The following CAMKMT variants were observed in gnomAD, a reference collection of about 807,000 sequenced individuals.
CAMKMT encodes the protein calmodulin-lysine N-methyltransferase, also known as CaM KMT.
A neutral mutation model predicts 48.0 loss-of-function variants in CAMKMT; 53 were observed. The ratio of observed to expected loss-of-function variants is 1.10; its 90% confidence interval spans 0.89 to 1.39. The LOEUF (loss-of-function observed/expected upper bound fraction) is 1.39, where lower values mean the gene tolerates loss of function less well. Ranked by LOEUF, CAMKMT falls within the 40% of genes most tolerant of loss-of-function variation. The probability of loss-of-function intolerance (pLI) is 0.00; values close to 1 mark genes in which losing one functional copy is unlikely to be tolerated. For missense variants in CAMKMT, 428 were observed against 402.7 expected (o/e 1.06, Z -0.54); for synonymous variants, 165 against 152.3 (o/e 1.08, Z -0.61).
At chr2:44,461,686 A>G (rs1219409644) in intron 3 of CAMKMT, among the ~76,000 whole-genome samples, 2 of 152,200 alleles carry the variant, frequency 1.3e-5, no homozygotes, top group African/African-American at 4.8e-5. Flanking sequence ...CTACTATTAT[A>G]TGTTTAAATT....
At chr2:44,642,512 T>C (rs1167298679) in intron 3 of CAMKMT, among the ~76,000 whole-genome samples, 1 of 152,180 alleles carries the variant, frequency 6.6e-6, no homozygotes. Context: ...GGAGTGAACA[T>C]GGTCCAGGTA....
rs925957589 is a variant in CAMKMT at position 44,685,073 on chromosome 2, C to G, written c.377-19210C>G. Among the ~76,000 whole-genome samples, 6 of 151,712 alleles carry G rather than the reference C, an allele frequency of 4.0e-5. No homozygotes were observed. The South Asian group carries it at 6.3e-4, about 16-fold the overall frequency. On this transcript the variant is annotated intron_variant, in intron 3 of 10. Coordinates refer to ENST00000378494, the MANE Select transcript of CAMKMT (RefSeq NM_024766.5). ...CATGTGCATCGTGTAAACATGCCCC[C>G]GAGAAGAAAACAATGAGGTCCCTGT...
chr2:44,421,499 A>G (rs1035751491), intron 3 of CAMKMT, among the ~76,000 whole-genome samples: 1 of 152,218 alleles, frequency 6.6e-6, no homozygotes, highest in African/African-American at 2.4e-5. Context: ...ACTGAAACAC[A>G]TTAAAAGATG....
At chr2:44,524,335 C>G (rs746520169) in intron 3 of CAMKMT, among the ~76,000 whole-genome samples, 21 of 152,284 alleles carry the variant, frequency 1.4e-4, no homozygotes, top group Non-Finnish European at 2.5e-4. Flanking sequence ...TCCCCCCATC[C>G]CATAACCAGG....
chr2:44,564,994 T>C (rs1380190655), intron 3 of CAMKMT, among the ~76,000 whole-genome samples: 6 of 152,252 alleles, frequency 3.9e-5, no homozygotes, highest in Non-Finnish European at 7.3e-5. Context: ...TCCAGGGCTA[T>C]CCACTGTTTC....
chr2:44,481,530 T>C (rs1434528608), intron 3 of CAMKMT, among the ~76,000 whole-genome samples: 1 of 152,078 alleles, frequency 6.6e-6, no homozygotes, highest in Non-Finnish European at 1.5e-5. Flanking sequence ...CAGAAGCTTA[T>C]GTTAAAATTA....
chr2:44,631,924 A>G (rs893653870), intron 3 of CAMKMT, among the ~76,000 whole-genome samples: 1 of 152,074 alleles, frequency 6.6e-6, no homozygotes, highest in Admixed American at 6.5e-5. Context: ...TCACCTTCAC[A>G]TAATATTATA....
intron 3 of CAMKMT, among the ~76,000 whole-genome samples, chr2:44,472,565 T>C (rs552087023): frequency 2.0e-5 from 3 of 152,322 alleles, no homozygotes; most frequent in South Asian, 2.1e-4. Flanking sequence ...ATATATCCTC[T>C]TTCATTTTTA....
At chr2:44,706,078 C>A (rs1246960519) in intron 4 of CAMKMT, among the ~76,000 whole-genome samples, 1 of 152,130 alleles carries the variant, frequency 6.6e-6, no homozygotes, top group East Asian at 1.9e-4. Flanking sequence ...AATGAGGGAA[C>A]CCCCACTGAT....
At chr2:44,453,178 A>G (rs1667382778) in intron 3 of CAMKMT, among the ~76,000 whole-genome samples, 1 of 152,036 alleles carries the variant, frequency 6.6e-6, no homozygotes, top group Non-Finnish European at 1.5e-5. Flanking sequence ...TATTAAAAGT[A>G]GATGTGGCTG....
chr2:44,684,034 CAT>C (rs989049138), intron 3 of CAMKMT, among the ~76,000 whole-genome samples: 4 of 152,052 alleles, frequency 2.6e-5, no homozygotes, highest in African/African-American at 4.8e-5. Flanking sequence ...AAATGAGAAA[CAT>C]ATTCTAGCCT....
chr2:44,497,978 T>A (rs1215296643), intron 3 of CAMKMT, among the ~76,000 whole-genome samples: 1 of 151,922 alleles, frequency 6.6e-6, no homozygotes, highest in Non-Finnish European at 1.5e-5. Flanking sequence ...ACTGGAAAGG[T>A]TAGGTCATTC....
chr2:44,766,760 ACCATT>A (rs145156009), intron 10 of CAMKMT, among the ~76,000 whole-genome samples, 199 bp downstream of exon 10: 28,514 of 151,996 alleles, frequency 0.19, 3,156 homozygotes, highest in East Asian at 0.52. Context: ...TTTTACAGAA[ACCATT>A]CCTGTTTACT....
intron 3 of CAMKMT, among the ~76,000 whole-genome samples, chr2:44,475,360 C>G (rs1310134926): frequency 6.6e-6 from 1 of 150,530 alleles, no homozygotes; most frequent in Non-Finnish European, 1.5e-5. Context: ...CTCTGTCACC[C>G]AGGCTGGAGT....
chr2:44,587,265 T>A (rs1019735769), intron 3 of CAMKMT, among the ~76,000 whole-genome samples: 3 of 152,212 alleles, frequency 2.0e-5, no homozygotes, highest in Non-Finnish European at 4.4e-5. Flanking sequence ...AGTCTTCTAA[T>A]CAATGGACAT....
At chr2:44,542,080 G>C (rs1314185971) in intron 3 of CAMKMT, among the ~76,000 whole-genome samples, 1 of 147,578 alleles carries the variant, frequency 6.8e-6, no homozygotes, top group Non-Finnish European at 1.5e-5. Flanking sequence ...GGTGAGCCGA[G>C]ATCGTGCCAT....
chr2:44,450,803 C>T (rs1667250326), intron 3 of CAMKMT, among the ~76,000 whole-genome samples: 1 of 152,042 alleles, frequency 6.6e-6, no homozygotes, highest in African/African-American at 2.4e-5. Context: ...AATGTCATAG[C>T]TCTAGTAATG....
chr2:44,553,930 C>T (rs1380257508), intron 3 of CAMKMT, among the ~76,000 whole-genome samples: 2 of 152,022 alleles, frequency 1.3e-5, no homozygotes, highest in Non-Finnish European at 2.9e-5. Context: ...GTTGAGTATT[C>T]TGATTCTATA....
chr2:44,558,283 T>C (rs548145728), intron 3 of CAMKMT, among the ~76,000 whole-genome samples: 127 of 152,210 alleles, frequency 8.3e-4, no homozygotes, highest in African/African-American at 2.9e-3. Flanking sequence ...CAAGTGAGCC[T>C]CCTGCCTTGG....
Sources: gnomAD v4.1 joint callset for allele counts (sites outside exome capture counted in the v4.1 genomes callset) on GRCh38, gnomAD v4.1.1 for gene constraint, MANE v1.5 for transcripts, NCBI Gene and HGNC (gene_info 2026-07-23, HGNC 2026-07-21) for gene names.